The following ARHGEF18 variants were observed in gnomAD, a reference collection of about 807,000 sequenced individuals.
The protein encoded by ARHGEF18 is Rho/Rac guanine nucleotide exchange factor 18.
A neutral mutation model predicts 155.7 loss-of-function variants in ARHGEF18; 93 were observed. The observed-to-expected ratio is 0.60, with a 90% CI of 0.50 to 0.71. The LOEUF is 0.71. ARHGEF18 is among the 30% of genes least tolerant of loss of function. ARHGEF18 has a pLI of 0.00. For synonymous variants in ARHGEF18, 742 were observed against 753.1 expected, an observed-to-expected ratio of 0.99 and a Z score of 0.24; for missense variants, 1,593 against 1,816.1, an observed-to-expected ratio of 0.88 and a Z score of 2.23.
chr19:7,458,925 C>T (rs1318053212), intron 19 of ARHGEF18, among the ~76,000 whole-genome samples: 1 of 152,226 alleles, frequency 6.6e-6, no homozygotes, highest in African/African-American at 2.4e-5. Context: ...CTGCACCTGC[C>T]ATGGCGGGCT....
At chr19:7,356,564 G>A (rs577907534) in intron 1 of ARHGEF18, among the ~76,000 whole-genome samples, 39 of 152,134 alleles carry the variant, frequency 2.6e-4, no homozygotes, top group Non-Finnish European at 5.3e-4. Flanking sequence ...GTGAGCCAGC[G>A]CGCCCAGCCA....
At chr19:7,370,806 G>A (rs1253939771) in intron 2 of ARHGEF18, among the ~76,000 whole-genome samples, 1 of 152,144 alleles carries the variant, frequency 6.6e-6, no homozygotes, top group African/African-American at 2.4e-5. Context: ...GTTATGCTCG[G>A]TGAAATAAAC....
In ARHGEF18 at chr19:7,459,766, C is replaced by A; in HGVS notation, c.2361-137C>A. On this transcript the variant is annotated intron_variant, in intron 19 of 28. Transcript: ENST00000668164. The stretch of plus-strand genomic sequence containing the variant: ...TGGCTCTCTCTCTTCCCCTCCTCGT[C>A]CTCCTGCACCACGAACAAGCTAAAT... 3.0e-6 allele frequency: 2 copies of A among 675,670 alleles called. 1 individual carries two copies. Among genetic ancestry groups the A allele is most frequent in the South Asian group, 3.8e-5 (2 of 52,014 alleles). The allele number at this position is 675,670 out of a possible 1,614,324, so 41.9% of individuals were successfully genotyped here.
chr19:7,368,280 T>G (rs188567989), intron 2 of ARHGEF18, among the ~76,000 whole-genome samples: 247 of 152,256 alleles, frequency 1.6e-3, no homozygotes, highest in Non-Finnish European at 2.4e-3. Context: ...GTTTCACCTC[T>G]GGATTTGATG....
At chr19:7,355,082 A>T (rs1315572442) in intron 1 of ARHGEF18, among the ~76,000 whole-genome samples, 11 of 2,504 alleles carry the variant, frequency 4.4e-3, no homozygotes, top group African/African-American at 5.5e-3. Context: ...ACACACACAC[A>T]CACACACACA....
chr19:7,413,046 C>A (rs574332688), intron 10 of ARHGEF18, among the ~76,000 whole-genome samples: 1 of 152,036 alleles, frequency 6.6e-6, no homozygotes, highest in East Asian at 1.9e-4. Flanking sequence ...TTTCAGCCAG[C>A]GAATCAGGAT....
At position 7,464,661 on chromosome 19, in the gene ARHGEF18, C is replaced by G. The variant is rs1000556393; in HGVS notation, c.2875C>G (p.Pro959Ala). The G allele has an allele frequency of 6.2e-7, 1 of 1,613,916 alleles. No individual in the cohort carries two copies. The highest frequency in any genetic ancestry group is 1.3e-5 in the African/African-American group (1 of 74,908). ...CTTGAAGCTCAGTGACAGTGACATT[C>G]CTGGGAGCTCTGAGGAATCGCCGCA... Reference protein sequence around the residue: ...PDLKLSDSDIPGSSEESPQVV... With the variant: ...PDLKLSDSDIAGSSEESPQVV... Residue 959 changes from proline (P) to alanine (A), a missense_variant, in exon 23 of 29, where the codon CCT (proline) becomes GCT (alanine). Coordinates refer to ENST00000668164, the MANE Select transcript of ARHGEF18 (RefSeq NM_001367823.1).
chr19:7,443,069 T>G (rs1170679000), intron 13 of ARHGEF18, among the ~76,000 whole-genome samples: 2 of 144,872 alleles, frequency 1.4e-5, no homozygotes, highest in South Asian at 2.3e-4. Flanking sequence ...TTTTTTTTTT[T>G]TTTTTTTTTT....
chr19:7,367,627 T>A (rs1969943688), intron 2 of ARHGEF18, among the ~76,000 whole-genome samples: 1 of 149,652 alleles, frequency 6.7e-6, no homozygotes, highest in South Asian at 2.1e-4. Context: ...ACACCTGTAA[T>A]CCCAGCTACT....
At chr19:7,450,437 G>A (rs934689666) in intron 15 of ARHGEF18, among the ~76,000 whole-genome samples, 1 of 1,562 alleles carries the variant, frequency 6.4e-4, no homozygotes, top group Non-Finnish European at 1.9e-3. Context: ...CTTGCTTTCC[G>A]TTTCCGTTTC....
Position 7,444,543 on chromosome 19 carries a change from C to CCGTGTCG in ARHGEF18, c.1611+91_1611+97dup. 6.6e-7 allele frequency: 1 copy of CCGTGTCG among 1,521,272 alleles called. No individual in the cohort carries two copies. Among genetic ancestry groups the CCGTGTCG allele is most frequent in the Non-Finnish European group, 8.8e-7 (1 of 1,135,654 alleles). 94.2% of individuals were successfully genotyped at this position (1,521,272 alleles called of 1,614,324 possible). On this transcript the variant is annotated intron_variant, in intron 14 of 28. Coordinates refer to ENST00000668164, the MANE Select transcript of ARHGEF18 (RefSeq NM_001367823.1). This position sits in a 1 kb window ranked among gnomAD's most constrained non-coding sequence, Gnocchi z 4.7. ...TCTTTTTTTCTGAGATAGGGTCTTGCCGTGTCGCCCAGGCTGGAGTGCAGT... is the reference window on the plus strand; with the variant it reads ...TCTTTTTTTCTGAGATAGGGTCTTGCCGTGTCGCGTGTCGCCCAGGCTGGAGTGCAGT...
chr19:7,368,387 C>T (rs138569898), intron 2 of ARHGEF18, among the ~76,000 whole-genome samples: 5 of 152,168 alleles, frequency 3.3e-5, no homozygotes, highest in East Asian at 3.9e-4. Context: ...GGGCAGCGTA[C>T]GATGCTTACT....
chr19:7,455,698 A>G (rs1975783782), intron 17 of ARHGEF18, among the ~76,000 whole-genome samples: 1 of 152,206 alleles, frequency 6.6e-6, no homozygotes, highest in Non-Finnish European at 1.5e-5. Context: ...AGACTGGGCA[A>G]CTTACCAAAG....
chr19:7,439,910 A>C, intron 10 of ARHGEF18: 1 of 1,466,378 alleles, frequency 6.8e-7, no homozygotes, highest in South Asian at 1.4e-5. Context: ...TTATTCTATC[A>C]AAGCAGCAAA....
chr19:7,391,701 C>A (rs1971409817), intron 10 of ARHGEF18, among the ~76,000 whole-genome samples: 1 of 152,042 alleles, frequency 6.6e-6, no homozygotes, highest in Admixed American at 6.6e-5. Flanking sequence ...TCTCTTAGGC[C>A]AGTTGCTCTC....
rs1977086630 is a variant in ARHGEF18 at position 7,472,451 on chromosome 19, A to C, written c.*2153A>C. On this transcript the variant is annotated 3_prime_UTR_variant, in exon 29 of 29. Transcript: ENST00000668164. ...GACCCGCTTTAGAACTTAAGACCTGATTCTAGCAATAAACGTGTCCGAGAT... is the reference window on the plus strand; with the variant it reads ...GACCCGCTTTAGAACTTAAGACCTGCTTCTAGCAATAAACGTGTCCGAGAT... 1.3e-5 allele frequency: 2 copies of C among 159,224 alleles called. No homozygotes were observed. Among genetic ancestry groups the C allele is most frequent in the African/African-American group, 4.8e-5 (2 of 41,476 alleles). The allele number at this position is 159,224 out of a possible 1,614,324, so 9.9% of individuals were successfully genotyped here.
chr19:7,459,133 C>G (rs1976037917), intron 19 of ARHGEF18, among the ~76,000 whole-genome samples: 1 of 152,080 alleles, frequency 6.6e-6, no homozygotes. Context: ...CAGCCTCCGC[C>G]TCCCAGGTTC....
rs1969634505 is a variant in ARHGEF18, at chr19:7,362,155, GAGGAGA to G, written c.-110-623_-110-618del. Reference sequence around the variant, plus strand: ...GGAGAAGGAGAAGGAGAAGGAGAAGGAGGAGAAGAAGGAGAAGAAGGAGAAGAAGGA... The same window carrying G: ...GGAGAAGGAGAAGGAGAAGGAGAAGGAGAAGGAGAAGAAGGAGAAGAAGGA... On this transcript the variant is annotated intron_variant, in intron 1 of 28. Coordinates refer to ENST00000668164, the MANE Select transcript of ARHGEF18 (RefSeq NM_001367823.1). Among the ~76,000 whole-genome samples, 13 of 37,636 alleles carry G rather than the reference GAGGAGA, an allele frequency of 3.5e-4. 2 individuals carry two copies. The East Asian group carries it at 5.4e-3, about 16-fold the overall frequency. The allele number at this position is 37,636 out of a possible 152,430, so 24.7% of individuals were successfully genotyped here. A position where few individuals can be genotyped will look rare whatever the true frequency, so the allele number is the denominator to read the frequency against.
Position 7,382,786 on chromosome 19 carries a change from C to T in ARHGEF18, c.723-6C>T. The T allele has an allele frequency of 1.6e-6, 2 of 1,232,346 alleles. No homozygotes were observed. The highest frequency in any genetic ancestry group is 2.0e-6 in the Non-Finnish European group (2 of 988,018). The allele number at this position is 1,232,346 out of a possible 1,614,324, so 76.3% of individuals were successfully genotyped here. A position where few individuals can be genotyped will look rare whatever the true frequency, so the allele number is the denominator to read the frequency against. ...CCTCTAGTGGACCTTCCCTCTCGTC[C>T]CTCAGGAGCGAGGACGGTGCTGGCA... On this transcript the variant is annotated splice_region_variant and splice_polypyrimidine_tract_variant and intron_variant, in intron 8 of 28. Coordinates refer to ENST00000668164, the MANE Select transcript of ARHGEF18 (RefSeq NM_001367823.1).
Sources: allele counts gnomAD v4.1 joint callset (sites outside exome capture counted in the v4.1 genomes callset), GRCh38; gene constraint gnomAD v4.1.1; non-coding constraint Gnocchi (gnomAD v3.1); transcripts MANE v1.5; gene names NCBI Gene and HGNC (gene_info 2026-07-23, HGNC 2026-07-21).